Variants in MPIG6B observed in about 807,000 individuals in gnomAD.
MPIG6B encodes the protein immunoglobulin receptor.
Under a neutral mutation model 24.2 loss-of-function variants are expected in MPIG6B, and 22 were observed. The ratio of observed to expected loss-of-function variants is 0.91; its 90% CI spans 0.65 to 1.30. The LOEUF (loss-of-function observed/expected upper bound fraction) is 1.30, where lower values mean the gene tolerates loss of function less well. Among genes scored for constraint, MPIG6B ranks in the 50% most tolerant of loss-of-function variants. The pLI is 0.00. For missense variants in MPIG6B, 301 were observed against 318.5 expected (o/e 0.94, Z 0.42); for synonymous variants, 136 against 142.0 (o/e 0.96, Z 0.30).
Position 31,726,426 on chromosome 6 carries a change from C to T in MPIG6B, c.*1352C>T, listed in dbSNP as rs1807371176. On this transcript the variant is annotated 3_prime_UTR_variant, in exon 6 of 6. Coordinates refer to ENST00000649779, the MANE Select transcript of MPIG6B (RefSeq NM_138272.3). The surrounding 1 kb of genome is among the most constrained non-coding windows in gnomAD (Gnocchi z 5.1). ...TGCAATTCCTTCTTCCTGTATTACC[C>T]CTTTCCCTCCTTCACACTATCTGCC... The T allele has an allele frequency of 2.0e-5, 3 of 152,216 alleles. No homozygotes were observed. Among genetic ancestry groups the T allele is most frequent in the Admixed American group, 2.0e-4 (3 of 15,282 alleles). The allele number at this position is 152,216 out of a possible 1,614,324, so 9.4% of individuals were successfully genotyped here.
In MPIG6B at chr6:31,723,514, G is replaced by C; in HGVS notation, c.61+70G>C. The C allele has an allele frequency of 3.4e-6, 5 of 1,483,650 alleles. No homozygotes were observed. Among genetic ancestry groups the C allele is most frequent in the Non-Finnish European group, 4.7e-6 (5 of 1,069,026 alleles). 91.9% of individuals were successfully genotyped at this position (1,483,650 alleles called of 1,614,324 possible). A position where few individuals can be genotyped will look rare whatever the true frequency, so the allele number is the denominator to read the frequency against. Reference sequence around the variant, plus strand: ...AGCAAGATAAGGGCCGCCTAGTAGGGTGGGTTGTGTGTGGGAAGATCCAGG... The same window carrying C: ...AGCAAGATAAGGGCCGCCTAGTAGGCTGGGTTGTGTGTGGGAAGATCCAGG... On this transcript the variant is annotated intron_variant, in intron 1 of 5. Transcript: ENST00000649779. The surrounding 1 kb of genome is among the most constrained non-coding windows in gnomAD (Gnocchi z 4.3).
rs937120963 is a variant in MPIG6B, at chr6:31,723,412, T to C, written c.29T>C (p.Leu10Pro). Reference protein sequence around the residue: MAVFLQLLPLLLSRAQGNPG... With the variant: MAVFLQLLPPLLSRAQGNPG... ...GCTGTGTTTCTGCAGCTGCTACCGC[T>C]GCTGCTCTCGAGGGCCCAAGGGAAC... Residue 10 changes from leucine (L) to proline (P), a missense_variant, in exon 1 of 6, where the codon CTG (leucine) becomes CCG (proline). Transcript: ENST00000649779. This position sits in a 1 kb window ranked among gnomAD's most constrained non-coding sequence, Gnocchi z 4.3. 2 of 1,612,808 alleles carry C rather than the reference T, an allele frequency of 1.2e-6. No homozygotes were observed. The highest frequency in any genetic ancestry group is 1.7e-6 in the Non-Finnish European group (2 of 1,179,942).
intron 3 of MPIG6B, 124 bp from the exon 4 acceptor site, chr6:31,724,463 G>A: frequency 1.1e-6 from 1 of 886,582 alleles, no homozygotes. Flanking sequence ...CTGTCGGTGG[G>A]GTAGAGTCTA....
chr6:31,722,036 GC>G (rs1806826897), upstream of MPIG6B, among the ~76,000 whole-genome samples: 1 of 152,166 alleles, frequency 6.6e-6, no homozygotes, highest in South Asian at 2.1e-4. Context: ...ATCATCAAAG[GC>G]CTCTGTGATT....
chr6:31,724,090 C>G, intron 2 of MPIG6B, 52 bp from the exon 3 acceptor site: 1 of 1,581,446 alleles, frequency 6.3e-7, no homozygotes, highest in Non-Finnish European at 8.7e-7. Flanking sequence ...GCTGGCTGTC[C>G]CTCGTCAAAC....
rs778967298 is a variant in MPIG6B at position 31,724,828 on chromosome 6, A to G, written c.605A>G (p.Asp202Gly). 6.2e-7 allele frequency: 1 copy of G among 1,613,420 alleles called. No individual in the cohort carries two copies. Among genetic ancestry groups the G allele is most frequent in the Non-Finnish European group, 8.5e-7 (1 of 1,179,592 alleles). ...GAGGAAGAGCCCAAGATTCCAGGGG[A>G]CCTGGACCAGGAACCGGTAAGGGCA... ...VKEEEPKIPG[D>G]LDQEPSLLYA... Residue 202 changes from aspartate to glycine, a missense_variant, in exon 5 of 6, where the codon GAC (aspartate) becomes GGC (glycine). Physicochemically the swap from Asp to Gly is moderately conservative, Grantham distance 94. Transcript: ENST00000649779.
chr6:31,720,305 T>G, upstream of MPIG6B: 1 of 760,888 alleles, frequency 1.3e-6, no homozygotes, highest in South Asian at 1.6e-5. The surrounding 1 kb of genome is among the most constrained non-coding windows in gnomAD (Gnocchi z 4.9). Flanking sequence ...GCCCATCCCG[T>G]AGGTGCTCCA....
upstream of MPIG6B, chr6:31,721,780 C>T (rs769313341): frequency 2.5e-6 from 3 of 1,208,132 alleles, no homozygotes; most frequent in Non-Finnish European, 3.6e-6. Flanking sequence ...ATTTATAAAC[C>T]CAAAGGCTCC....
At chr6:31,721,575 G>C, upstream of MPIG6B, 1 of 1,556,348 alleles carries the variant, frequency 6.4e-7, no homozygotes, top group Non-Finnish European at 8.9e-7. Context: ...GTAGAGCAGG[G>C]TGTAAAGGTC....
At chr6:31,722,141 C>T (rs1364317734), upstream of MPIG6B, among the ~76,000 whole-genome samples, 1 of 152,178 alleles carries the variant, frequency 6.6e-6, no homozygotes, top group Non-Finnish European at 1.5e-5. Context: ...CCCTGGGTCC[C>T]TGCTGGGCAT....
Position 31,723,837 on chromosome 6 carries a change from T to G in MPIG6B, c.260T>G (p.Leu87Arg). The G allele has an allele frequency of 6.2e-7, 1 of 1,611,548 alleles. No homozygotes were observed. The highest frequency in any genetic ancestry group is 1.1e-5 in the South Asian group (1 of 90,786). ...CCTTTCGTCGGCCGCCTACGCTCCCTGGACTCTGGTATCCGGCGGCTGGAG... is the reference window on the plus strand; with the variant it reads ...CCTTTCGTCGGCCGCCTACGCTCCCGGGACTCTGGTATCCGGCGGCTGGAG... Reference protein sequence around the residue: ...LQPFVGRLRSLDSGIRRLELL... With the variant: ...LQPFVGRLRSRDSGIRRLELL... The change falls in exon 2 of 6, where the codon CTG (leucine) becomes CGG (arginine). Residue 87 changes from leucine to arginine, a missense_variant. Transcript: ENST00000649779. The surrounding 1 kb of genome is among the most constrained non-coding windows in gnomAD (Gnocchi z 4.3).
At position 31,725,096 on chromosome 6, in the gene MPIG6B, C is replaced by T. The variant is rs1460168199; in HGVS notation, c.*22C>T. On this transcript the variant is annotated 3_prime_UTR_variant, in exon 6 of 6. Transcript: ENST00000649779. The surrounding 1 kb of genome is among the most constrained non-coding windows in gnomAD (Gnocchi z 5.2). The stretch of plus-strand genomic sequence containing the variant: ...TTGAAGGGAAGCCCTTACTCCAAAC[C>T]TCCCAAGCTAGGGGATCCCAGCTCC... The T allele has an allele frequency of 6.4e-7, 1 of 1,571,006 alleles. No individual in the cohort carries two copies.
chr6:31,722,803 C>T (rs186095601), upstream of MPIG6B, among the ~76,000 whole-genome samples: 4 of 130,878 alleles, frequency 3.1e-5, no homozygotes, highest in East Asian at 4.4e-4. Context: ...TGCAGTGAGT[C>T]GAGATTGCAC....
Position 31,723,553 on chromosome 6 carries a change from A to G in MPIG6B, c.62-86A>G. ...GGAAGATCCAGGATGGCTGGAGTGC[A>G]GAACAGAGAAGAGAAAGAGGAGACG... On this transcript the variant is annotated intron_variant, in intron 1 of 5. Coordinates refer to ENST00000649779, the MANE Select transcript of MPIG6B (RefSeq NM_138272.3). The surrounding 1 kb of genome is among the most constrained non-coding windows in gnomAD (Gnocchi z 4.3). 1 of 1,422,278 alleles carries G rather than the reference A, an allele frequency of 7.0e-7. No homozygotes were observed. The allele number at this position is 1,422,278 out of a possible 1,614,324, so 88.1% of individuals were successfully genotyped here.
chr6:31,723,892 T>C lies in MPIG6B; in HGVS notation c.315T>C (p.Thr105=). ...TCTTGAGCGCGGGGGACTCGGGCAC[T>C]TTTTTCTGCAAGGGCCGCCACGAGG... The part of the protein sequence containing the change: ...ELLLSAGDSG[T]FFCKGRHEDE... The change falls in exon 2 of 6, where the codon ACT becomes ACC. Residue 105 remains threonine (T), a synonymous_variant. Transcript: ENST00000649779. The surrounding 1 kb of genome is among the most constrained non-coding windows in gnomAD (Gnocchi z 4.3). 7 of 1,607,276 alleles carry C rather than the reference T, an allele frequency of 4.4e-6. No homozygotes were observed. Among genetic ancestry groups the C allele is most frequent in the Non-Finnish European group, 5.9e-6 (7 of 1,176,558 alleles).
In MPIG6B at chr6:31,724,612, C is replaced by T. The variant is rs1308000476; in HGVS notation, c.526C>T (p.Pro176Ser). ...HRRLPPQPIR[P>S]LPRFAPLVKT... Reference sequence around the variant, plus strand: ...GCGCCTGCCCCCGCAACCGATTCGACCACTCCCTAGATTTGGTGAGACTAA... The same window carrying T: ...GCGCCTGCCCCCGCAACCGATTCGATCACTCCCTAGATTTGGTGAGACTAA... The change falls in exon 4 of 6, where the codon CCA (proline) becomes TCA (serine). Residue 176 changes from proline to serine, a missense_variant. Transcript: ENST00000649779. The T allele has an allele frequency of 6.2e-7, 1 of 1,613,802 alleles. No individual in the cohort carries two copies.
chr6:31,724,708 G>T (rs751953598), intron 4 of MPIG6B, 57 bp from the exon 5 acceptor site: 2 of 1,610,156 alleles, frequency 1.2e-6, no homozygotes, highest in Non-Finnish European at 1.7e-6. Context: ...GCCCTTGCTG[G>T]GAGCAGACAC....
At chr6:31,724,479 T>C in intron 3 of MPIG6B, 108 bp from the exon 4 acceptor site, 1 of 996,236 alleles carries the variant, frequency 1.0e-6, no homozygotes. Context: ...GTCTAAGTTG[T>C]TTCCGGTCTG....
At chr6:31,722,137 G>C (rs1216147853), upstream of MPIG6B, among the ~76,000 whole-genome samples, 1 of 152,170 alleles carries the variant, frequency 6.6e-6, no homozygotes, top group African/African-American at 2.4e-5. Flanking sequence ...GGGTCCCTGG[G>C]TCCCTGCTGG....
Sources: gnomAD v4.1 joint callset for allele counts (sites outside exome capture counted in the v4.1 genomes callset) on GRCh38, gnomAD v4.1.1 for gene constraint, Gnocchi (gnomAD v3.1) non-coding constraint, MANE v1.5 for transcripts, NCBI Gene and HGNC (gene_info 2026-07-23, HGNC 2026-07-21) for gene names.